The following DNALI1 variants were observed in gnomAD, a reference collection of about 807,000 sequenced individuals.
The protein encoded by DNALI1 is axonemal dynein light intermediate polypeptide 1.
DNALI1 carries 31 observed loss-of-function variants against 33.9 expected under a neutral mutation model. The ratio of observed to expected loss-of-function variants is 0.91; its 90% CI spans 0.69 to 1.23. The LOEUF (loss-of-function observed/expected upper bound fraction) is 1.23. DNALI1 is among the 50% of genes most tolerant of loss of function. The pLI, the probability that DNALI1 is intolerant of heterozygous loss-of-function variation, is 0.00. For missense variants in DNALI1, 305 were observed against 323.8 expected (o/e 0.94, Z 0.44); for synonymous variants, 117 against 129.2 (o/e 0.91, Z 0.64).
chr1:37,563,973 C>T (rs1643469398), intron 5 of DNALI1, among the ~76,000 whole-genome samples: 1 of 151,486 alleles, frequency 6.6e-6, no homozygotes, highest in Admixed American at 6.6e-5. Flanking sequence ...GTAGCTCACA[C>T]CTGTAATCCC....
In DNALI1 at chr1:37,559,505, G is replaced by A; in HGVS notation, c.397+9G>A. Reference sequence around the variant, plus strand: ...CTACTCACAGTGTTTTGGTGAGTGAGCCAGGTGAGGGGTGGGCACTACACA... The same window carrying A: ...CTACTCACAGTGTTTTGGTGAGTGAACCAGGTGAGGGGTGGGCACTACACA... On this transcript the variant is annotated intron_variant, in intron 3 of 5. Coordinates refer to ENST00000652629, the MANE Select transcript of DNALI1 (RefSeq NM_003462.5). This position sits in a 1 kb window ranked among gnomAD's most constrained non-coding sequence, Gnocchi z 5.3. 6.3e-7 allele frequency: 1 copy of A among 1,597,298 alleles called. No individual in the cohort carries two copies. Among genetic ancestry groups the A allele is most frequent in the Non-Finnish European group, 8.5e-7 (1 of 1,170,824 alleles).
In DNALI1 at chr1:37,556,952, C is replaced by T. The variant is rs139852609; in HGVS notation, c.-43C>T. On this transcript the variant is annotated 5_prime_UTR_variant, in exon 1 of 6. Coordinates refer to ENST00000652629, the MANE Select transcript of DNALI1 (RefSeq NM_003462.5). ...CCATGGTGACGGCAAACAAGGCCCACACTGGACAGGGCAGCTGCTGGGTTG... is the reference window on the plus strand; with the variant it reads ...CCATGGTGACGGCAAACAAGGCCCATACTGGACAGGGCAGCTGCTGGGTTG... The T allele has an allele frequency of 5.9e-5, 96 of 1,614,232 alleles. No homozygotes were observed. In the African/African-American group the frequency reaches 1.1e-3, roughly 19 times the overall value.
intron 1 of DNALI1, 69 bp downstream of exon 1, chr1:37,557,144 G>C: frequency 6.2e-7 from 1 of 1,606,586 alleles, no homozygotes; most frequent in Non-Finnish European, 8.5e-7. Flanking sequence ...TTCCCGCATG[G>C]AGGGTCAGGA....
At chr1:37,563,859 A>G (rs1570041261) in intron 5 of DNALI1, among the ~76,000 whole-genome samples, 1 of 152,330 alleles carries the variant, frequency 6.6e-6, no homozygotes, top group East Asian at 1.9e-4. Context: ...GACCTACCTA[A>G]AGATCTGTCC....
intron 1 of DNALI1, 22 bp from the exon 2 acceptor site, chr1:37,557,581 C>T (rs752574069): frequency 3.1e-6 from 5 of 1,606,510 alleles, no homozygotes; most frequent in Non-Finnish European, 4.2e-6. Flanking sequence ...ATTTCCTGCC[C>T]TCACCTGTGC....
Position 37,562,139 on chromosome 1 carries a change from C to T in DNALI1, c.635C>T (p.Ala212Val), listed in dbSNP as rs764857869. ...DLERQVNEQK[A>V]KCEATEKRES... ...GAGAGGCAAGTGAACGAGCAGAAGG[C>T]AAAATGTGAAGCCACTGAGAAGCGG... Residue 212 changes from alanine (A) to valine (V), a missense_variant, in exon 5 of 6, where the codon GCA (alanine) becomes GTA (valine). Ala to Val is a moderately conservative substitution (Grantham distance 64). Coordinates refer to ENST00000652629, the MANE Select transcript of DNALI1 (RefSeq NM_003462.5). The surrounding 1 kb of genome is among the most constrained non-coding windows in gnomAD (Gnocchi z 5.8). 6.2e-7 allele frequency: 1 copy of T among 1,614,084 alleles called. No individual in the cohort carries two copies. Among genetic ancestry groups the T allele is most frequent in the Admixed American group, 1.7e-5 (1 of 60,020 alleles).
chr1:37,564,410 T>C (rs1643475604), intron 5 of DNALI1, among the ~76,000 whole-genome samples: 1 of 149,834 alleles, frequency 6.7e-6, no homozygotes, highest in African/African-American at 2.5e-5. Flanking sequence ...TGAGACGGAG[T>C]CTCCCTCTGT....
At position 37,562,350 on chromosome 1, in the gene DNALI1, A is replaced by G. The variant is rs1643451074; in HGVS notation, c.741+105A>G. 1.1e-5 allele frequency: 16 copies of G among 1,413,962 alleles called. No individual in the cohort carries two copies. Among genetic ancestry groups the G allele is most frequent in the Middle Eastern group, 2.6e-4 (1 of 3,874 alleles). 87.6% of individuals were successfully genotyped at this position (1,413,962 alleles called of 1,614,324 possible). A position where few individuals can be genotyped will look rare whatever the true frequency, so the allele number is the denominator to read the frequency against. ...CCATGGCTTTTAAATGTTTGTCCAC[A>G]TGCACTGCCAAAGGATAAAGGAAGC... On this transcript the variant is annotated intron_variant, in intron 5 of 5. Coordinates refer to ENST00000652629, the MANE Select transcript of DNALI1 (RefSeq NM_003462.5). The surrounding 1 kb of genome is among the most constrained non-coding windows in gnomAD (Gnocchi z 5.8).
Position 37,562,331 on chromosome 1 carries a change from C to T in DNALI1, c.741+86C>T. 1 of 1,494,648 alleles carries T rather than the reference C, an allele frequency of 6.7e-7. No homozygotes were observed. The highest frequency in any genetic ancestry group is 9.0e-7 in the Non-Finnish European group (1 of 1,114,122). The allele number at this position is 1,494,648 out of a possible 1,614,324, so 92.6% of individuals were successfully genotyped here. A position where few individuals can be genotyped will look rare whatever the true frequency, so the allele number is the denominator to read the frequency against. On this transcript the variant is annotated intron_variant, in intron 5 of 5. Transcript: ENST00000652629. This position sits in a 1 kb window ranked among gnomAD's most constrained non-coding sequence, Gnocchi z 5.8. ...CAGGCATTCGGTTCCTTTTCCATGGCTTTTAAATGTTTGTCCACATGCACT... is the reference window on the plus strand; with the variant it reads ...CAGGCATTCGGTTCCTTTTCCATGGTTTTTAAATGTTTGTCCACATGCACT...
At position 37,561,445 on chromosome 1, in the gene DNALI1, C is replaced by T; in HGVS notation, c.398-112C>T. On this transcript the variant is annotated intron_variant, in intron 3 of 5. Coordinates refer to ENST00000652629, the MANE Select transcript of DNALI1 (RefSeq NM_003462.5). This position sits in a 1 kb window ranked among gnomAD's most constrained non-coding sequence, Gnocchi z 4.6. Reference sequence around the variant, plus strand: ...TTCTCTGAGGCCTTGCACTTTGTCTCCAAGCGAGAACACCCTAATGTCCTT... The same window carrying T: ...TTCTCTGAGGCCTTGCACTTTGTCTTCAAGCGAGAACACCCTAATGTCCTT... 7.2e-7 allele frequency: 1 copy of T among 1,387,002 alleles called. No homozygotes were observed. The highest frequency in any genetic ancestry group is 9.8e-7 in the Non-Finnish European group (1 of 1,024,750). 85.9% of individuals were successfully genotyped at this position (1,387,002 alleles called of 1,614,324 possible).
Position 37,557,681 on chromosome 1 carries a change from T to C in DNALI1, c.160T>C (p.Ser54Pro), listed in dbSNP as rs1307644685. The change falls in exon 2 of 6, where the codon TCA becomes CCA. Residue 54 changes from serine (S) to proline (P), a missense_variant. By Grantham distance (74) the Ser-to-Pro change is moderately conservative. Coordinates refer to ENST00000652629, the MANE Select transcript of DNALI1 (RefSeq NM_003462.5). Reference sequence around the variant, plus strand: ...ACAGCCACCCAAGACCAAGCTCCCCTCAACTCCCTGTGTCCCAGATCCTAC... The same window carrying C: ...ACAGCCACCCAAGACCAAGCTCCCCCCAACTCCCTGTGTCCCAGATCCTAC... ...APQPPKTKLP[S>P]TPCVPDPTKQ... The C allele has an allele frequency of 6.2e-7, 1 of 1,613,960 alleles. No individual in the cohort carries two copies. The highest frequency in any genetic ancestry group is 1.1e-5 in the South Asian group (1 of 91,066).
rs1201286626 is a variant in DNALI1 at position 37,557,719 on chromosome 1, A to G, written c.198A>G (p.Glu66=). 2 of 1,613,914 alleles carry G rather than the reference A, an allele frequency of 1.2e-6. No homozygotes were observed. Among genetic ancestry groups the G allele is most frequent in the South Asian group, 2.2e-5 (2 of 91,038 alleles). ...PCVPDPTKQA[E]EILNAILPPR... ...TCCCAGATCCTACAAAGCAGGCAGA[A>G]GAAATCTTGAATGCCATACTACCCC... Residue 66 remains glutamate (E), a synonymous_variant, in exon 2 of 6, where the codon GAA becomes GAG. Coordinates refer to ENST00000652629, the MANE Select transcript of DNALI1 (RefSeq NM_003462.5).
Position 37,556,944 on chromosome 1 carries a change from A to G in DNALI1, c.-51A>G, listed in dbSNP as rs778572447. The G allele has an allele frequency of 2.5e-6, 4 of 1,614,188 alleles. No homozygotes were observed. The African/African-American group carries it at 4.0e-5, about 16-fold the overall frequency. ...GGCGGTTTCCATGGTGACGGCAAACAAGGCCCACACTGGACAGGGCAGCTG... is the reference window on the plus strand; with the variant it reads ...GGCGGTTTCCATGGTGACGGCAAACGAGGCCCACACTGGACAGGGCAGCTG... On this transcript the variant is annotated 5_prime_UTR_variant, in exon 1 of 6. Coordinates refer to ENST00000652629, the MANE Select transcript of DNALI1 (RefSeq NM_003462.5).
Position 37,561,266 on chromosome 1 carries a change from G to A in DNALI1, c.398-291G>A. On this transcript the variant is annotated intron_variant, in intron 3 of 5. Coordinates refer to ENST00000652629, the MANE Select transcript of DNALI1 (RefSeq NM_003462.5). The surrounding 1 kb of genome is among the most constrained non-coding windows in gnomAD (Gnocchi z 4.6). Reference sequence around the variant, plus strand: ...AGTTTTTACCTAAGGCAGGAAGGGAGGGGACCCAGTGCTGTAAACAAACCA... The same window carrying A: ...AGTTTTTACCTAAGGCAGGAAGGGAAGGGACCCAGTGCTGTAAACAAACCA... 1 of 355,804 alleles carries A rather than the reference G, an allele frequency of 2.8e-6. No homozygotes were observed. The allele number at this position is 355,804 out of a possible 1,614,324, so 22.0% of individuals were successfully genotyped here.
At position 37,557,735 on chromosome 1, in the gene DNALI1, A is replaced by G. The variant is rs1643389837; in HGVS notation, c.214A>G (p.Ile72Val). 1 of 1,613,836 alleles carries G rather than the reference A, an allele frequency of 6.2e-7. No individual in the cohort carries two copies. The highest frequency in any genetic ancestry group is 1.1e-5 in the South Asian group (1 of 91,014). ...GCAGGCAGAAGAAATCTTGAATGCC[A>G]TACTACCCCCAAGGTAAGAAAGTAG... is the stretch of plus-strand genomic sequence containing the variant. ...TKQAEEILNAILPPREWVEDT... is the reference protein window; with the variant it reads ...TKQAEEILNAVLPPREWVEDT... The change falls in exon 2 of 6, where the codon ATA (isoleucine) becomes GTA (valine). Residue 72 changes from isoleucine (I) to valine (V), a missense_variant. Ile to Val is a conservative substitution (Grantham distance 29). Transcript: ENST00000652629.
chr1:37,557,532 T>C, intron 1 of DNALI1, 71 bp from the exon 2 acceptor site: 3 of 1,540,774 alleles, frequency 1.9e-6, no homozygotes, highest in East Asian at 4.6e-5. Flanking sequence ...CCTGGAGCAA[T>C]ATACAGGTTG....
In DNALI1 at chr1:37,562,335, T is replaced by A; in HGVS notation, c.741+90T>A. 2 of 1,481,800 alleles carry A rather than the reference T, an allele frequency of 1.3e-6. No individual in the cohort carries two copies. Among genetic ancestry groups the A allele is most frequent in the Non-Finnish European group, 1.8e-6 (2 of 1,105,026 alleles). 91.8% of individuals were successfully genotyped at this position (1,481,800 alleles called of 1,614,324 possible). A position where few individuals can be genotyped will look rare whatever the true frequency, so the allele number is the denominator to read the frequency against. On this transcript the variant is annotated intron_variant, in intron 5 of 5. Coordinates refer to ENST00000652629, the MANE Select transcript of DNALI1 (RefSeq NM_003462.5). The surrounding 1 kb of genome is among the most constrained non-coding windows in gnomAD (Gnocchi z 5.8). ...CATTCGGTTCCTTTTCCATGGCTTT[T>A]AAATGTTTGTCCACATGCACTGCCA...
rs1203684791 is a variant in DNALI1, at chr1:37,556,968, T to C, written c.-27T>C. 3 of 1,614,124 alleles carry C rather than the reference T, an allele frequency of 1.9e-6. No homozygotes were observed. Among genetic ancestry groups the C allele is most frequent in the Non-Finnish European group, 2.5e-6 (3 of 1,180,046 alleles). On this transcript the variant is annotated 5_prime_UTR_variant, in exon 1 of 6. Transcript: ENST00000652629. ...CAAGGCCCACACTGGACAGGGCAGCTGCTGGGTTGCTACTCTCGCCTCCGC... is the reference window on the plus strand; with the variant it reads ...CAAGGCCCACACTGGACAGGGCAGCCGCTGGGTTGCTACTCTCGCCTCCGC...
chr1:37,559,462 C>T lies in DNALI1; in HGVS notation c.363C>T (p.Cys121=), dbSNP rs1643410657. 3 of 1,612,522 alleles carry T rather than the reference C, an allele frequency of 1.9e-6. No homozygotes were observed. The East Asian group carries it at 6.7e-5, about 36-fold the overall frequency. Residue 121 remains cysteine (C), a synonymous_variant, in exon 3 of 6, where the codon TGC becomes TGT. Transcript: ENST00000652629. The surrounding 1 kb of genome is among the most constrained non-coding windows in gnomAD (Gnocchi z 5.3). ...GGCAGGCCAGGGAAACAGGCATCTG[C>T]CCTGTCCGCAGGGAACTCTACTCAC... is the stretch of plus-strand genomic sequence containing the variant. ...QQRQARETGI[C]PVRRELYSQC... is the part of the protein sequence containing the mutation.
Sources: gnomAD v4.1 joint callset for allele counts (sites outside exome capture counted in the v4.1 genomes callset) on GRCh38, gnomAD v4.1.1 for gene constraint, Gnocchi (gnomAD v3.1) non-coding constraint, MANE v1.5 for transcripts, NCBI Gene and HGNC (gene_info 2026-07-23, HGNC 2026-07-21) for gene names.